The following TLK1 variants were observed in gnomAD, a reference collection of about 807,000 sequenced individuals.
TLK1 encodes the protein serine/threonine-protein kinase tousled-like 1.
In TLK1, 24 loss-of-function variants were observed where a neutral mutation model predicts 105.3. That is an observed-to-expected ratio of 0.23 (90% CI 0.17 to 0.32). TLK1 has a LOEUF of 0.32. Among genes scored for constraint, TLK1 ranks in the 10% least tolerant of loss-of-function variants. TLK1 has a pLI of 1.00. For missense variants in TLK1, 558 were observed against 910.5 expected, an observed-to-expected ratio of 0.61 and a Z score of 4.98; for synonymous variants, 321 against 310.4, an observed-to-expected ratio of 1.03 and a Z score of -0.36.
chr2:170,997,878 A>T, intron 18 of TLK1, 55 bp from the exon 19 acceptor site: 6 of 1,085,238 alleles, frequency 5.5e-6, no homozygotes, highest in Non-Finnish European at 8.1e-6. Context: ...GTAACTTAAA[A>T]TCTTCTAAGT....
intron 5 of TLK1, among the ~76,000 whole-genome samples, chr2:171,057,942 C>T (rs1481040433): frequency 6.6e-6 from 1 of 151,980 alleles, no homozygotes; most frequent in Admixed American, 6.6e-5. Flanking sequence ...TTATAAACAA[C>T]TATGTGAGAA....
chr2:171,189,165 ATTTTT>A (rs368305495), intron 1 of TLK1, among the ~76,000 whole-genome samples: 2 of 137,568 alleles, frequency 1.5e-5, no homozygotes, highest in African/African-American at 2.8e-5. Context: ...TGATAGTACA[ATTTTT>A]TTTTTTTTTT....
intron 1 of TLK1, among the ~76,000 whole-genome samples, chr2:171,187,787 C>A (rs1420173938): frequency 6.6e-6 from 1 of 152,168 alleles, no homozygotes; most frequent in Non-Finnish European, 1.5e-5. Context: ...TATACTACAT[C>A]TCCACTGCCT....
At chr2:171,037,436 C>T (rs1389851263) in intron 11 of TLK1, among the ~76,000 whole-genome samples, 7 of 109,518 alleles carry the variant, frequency 6.4e-5, no homozygotes, top group Middle Eastern at 4.5e-3. Context: ...AGTGAAACTC[C>T]GTCTCAAAAA....
In TLK1 at chr2:171,160,246, G is replaced by A. The variant is rs113416007; in HGVS notation, c.139+44C>T. On this transcript the variant is annotated intron_variant, in intron 1 of 20. Transcript: ENST00000431350. The surrounding 1 kb of genome is among the most constrained non-coding windows in gnomAD (Gnocchi z 4.4). The stretch of plus-strand genomic sequence containing the variant: ...GGGGGGGCGCGGGGGTCCGCGGCGC[G>A]GGAGAGGAGGCCCGCGAGCGGGCGC... 362,725 of 1,393,710 alleles carry A rather than the reference G, an allele frequency of 0.26. 49,191 individuals are homozygous for A. Among genetic ancestry groups the A allele is most frequent in the Middle Eastern group, 0.29 (1,106 of 3,824 alleles). 86.3% of individuals were successfully genotyped at this position (1,393,710 alleles called of 1,614,324 possible). A position where few individuals can be genotyped will look rare whatever the true frequency, so the allele number is the denominator to read the frequency against.
chr2:171,048,988 A>T (rs1032299961), intron 10 of TLK1, among the ~76,000 whole-genome samples: 1 of 152,240 alleles, frequency 6.6e-6, no homozygotes, highest in Non-Finnish European at 1.5e-5. Flanking sequence ...AAATATGGTA[A>T]CTATAATTCC....
At chr2:171,112,260 T>A (rs1690210586) in intron 2 of TLK1, among the ~76,000 whole-genome samples, 1 of 152,156 alleles carries the variant, frequency 6.6e-6, no homozygotes, top group East Asian at 1.9e-4. Flanking sequence ...TGATAAATGT[T>A]TTTTAAATAG....
chr2:171,168,547 T>C (rs979747458), intron 1 of TLK1, among the ~76,000 whole-genome samples: 1 of 151,726 alleles, frequency 6.6e-6, no homozygotes, highest in Non-Finnish European at 1.5e-5. Context: ...ATTAGGAACA[T>C]TCTCCCATGG....
chr2:171,136,137 T>C (rs1238236337), intron 1 of TLK1, among the ~76,000 whole-genome samples: 1 of 152,134 alleles, frequency 6.6e-6, no homozygotes, highest in Non-Finnish European at 1.5e-5. Context: ...TATTCAGCCT[T>C]AAAAAGGAAG....
chr2:171,088,407 T>G (rs1476944737), intron 2 of TLK1, among the ~76,000 whole-genome samples: 1 of 152,196 alleles, frequency 6.6e-6, no homozygotes, highest in Non-Finnish European at 1.5e-5. Flanking sequence ...AGTGTTTAAG[T>G]GCCTAATGCA....
At chr2:171,079,607 C>A (rs776250050) in intron 3 of TLK1, among the ~76,000 whole-genome samples, 2 of 152,142 alleles carry the variant, frequency 1.3e-5, no homozygotes, top group African/African-American at 4.8e-5. Flanking sequence ...CAAAACAATA[C>A]CTTCTTACCT....
In TLK1 at chr2:171,100,977, C is replaced by G. The variant is rs75864285; in HGVS notation, c.258+16762G>C. Among the ~76,000 whole-genome samples the G allele has an allele frequency of 3.0e-3, 464 of 152,286 alleles. 4 individuals are homozygous for G. The highest frequency in any genetic ancestry group is 0.01 in the African/African-American group (435 of 41,554). ...AATGTGGCACATCCATATAATGGAA[C>G]AGTCTGTCATATAATGGAATGAGTA... On this transcript the variant is annotated intron_variant, in intron 2 of 20. Coordinates refer to ENST00000431350, the MANE Select transcript of TLK1 (RefSeq NM_012290.5).
In TLK1 at chr2:171,006,297, T is replaced by C. The variant is rs781478800; in HGVS notation, c.1769-15A>G. 6 of 1,570,902 alleles carry C rather than the reference T, an allele frequency of 3.8e-6. No homozygotes were observed. Among genetic ancestry groups the C allele is most frequent in the Non-Finnish European group, 5.2e-6 (6 of 1,164,570 alleles). ...TAGGATGTTTCCTAAGAATAAAATATAAGATTCTTTTAATGATACATACAT... is the reference window on the plus strand; with the variant it reads ...TAGGATGTTTCCTAAGAATAAAATACAAGATTCTTTTAATGATACATACAT... On this transcript the variant is annotated splice_polypyrimidine_tract_variant and intron_variant, in intron 17 of 20. Transcript: ENST00000431350.
intron 1 of TLK1, among the ~76,000 whole-genome samples, chr2:171,173,883 CAA>C (rs1393448715): frequency 6.6e-6 from 1 of 152,070 alleles, no homozygotes; most frequent in Non-Finnish European, 1.5e-5. Flanking sequence ...GTTATCCAAA[CAA>C]GAGAACTGAG....
At chr2:171,056,690 T>C in intron 5 of TLK1, 124 bp from the exon 6 acceptor site, 1 of 618,674 alleles carries the variant, frequency 1.6e-6, no homozygotes, top group Admixed American at 4.2e-5. Context: ...TTTAAATGGG[T>C]CCAGAACAAA....
intron 1 of TLK1, among the ~76,000 whole-genome samples, chr2:171,186,103 T>TG (rs1168204603): frequency 5.3e-5 from 8 of 152,354 alleles, no homozygotes; most frequent in Non-Finnish European, 1.2e-4. Context: ...TTTCCTCCGT[T>TG]GAACAAATTC....
chr2:171,053,162 T>C (rs1186649728), intron 8 of TLK1, among the ~76,000 whole-genome samples: 1 of 152,226 alleles, frequency 6.6e-6, no homozygotes. Flanking sequence ...ATGTCAGGCA[T>C]ATAATAAAAT....
intron 11 of TLK1, among the ~76,000 whole-genome samples, chr2:171,043,369 T>C (rs1233019112): frequency 6.6e-6 from 1 of 152,064 alleles, no homozygotes; most frequent in Non-Finnish European, 1.5e-5. Context: ...AAGTACTGAG[T>C]GATGGCAACA....
At chr2:171,183,560 C>CTT (rs60920662) in intron 1 of TLK1, among the ~76,000 whole-genome samples, 6,860 of 151,782 alleles carry the variant, frequency 0.045, 448 homozygotes, top group East Asian at 0.29. Flanking sequence ...TGGATATTAT[C>CTT]TGTCTATTAT....
Sources: gnomAD v4.1 joint callset for allele counts (sites outside exome capture counted in the v4.1 genomes callset) on GRCh38, gnomAD v4.1.1 for gene constraint, Gnocchi (gnomAD v3.1) non-coding constraint, MANE v1.5 for transcripts, NCBI Gene and HGNC (gene_info 2026-07-23, HGNC 2026-07-21) for gene names.